The following ABCC4 variants were observed in gnomAD, a reference collection of about 807,000 sequenced individuals.
ABCC4 encodes ATP-binding cassette sub-family C member 4.
In ABCC4, 102 loss-of-function variants were observed where a neutral mutation model predicts 168.5. The observed-to-expected ratio is 0.61, with a 90% confidence interval of 0.52 to 0.71. The LOEUF (loss-of-function observed/expected upper bound fraction) is 0.71, where lower values mean the gene tolerates loss of function less well. Among genes scored for constraint, ABCC4 ranks in the 30% least tolerant of loss-of-function variants. The pLI, the probability that ABCC4 is intolerant of heterozygous loss-of-function variation, is 0.00. For missense variants in ABCC4, 1,402 were observed against 1,605.8 expected (o/e 0.87, Z 2.17); for synonymous variants, 617 against 590.7 (o/e 1.04, Z -0.65).
At chr13:95,052,310 C>G (rs140624841) in intron 27 of ABCC4, among the ~76,000 whole-genome samples, 19 of 152,302 alleles carry the variant, frequency 1.2e-4, no homozygotes, top group African/African-American at 4.6e-4. Context: ...AAGCAAAAGA[C>G]TAAACTAGGT....
chr13:95,087,553 C>G (rs2034298621), intron 20 of ABCC4, among the ~76,000 whole-genome samples: 1 of 152,176 alleles, frequency 6.6e-6, no homozygotes. Flanking sequence ...CTGGCTAATA[C>G]AGGATTTCTT....
chr13:95,261,834 A>C (rs887449647), intron 1 of ABCC4, among the ~76,000 whole-genome samples: 3 of 152,098 alleles, frequency 2.0e-5, no homozygotes, highest in African/African-American at 7.2e-5. Flanking sequence ...ATGGTGGCTC[A>C]TGCCTATAAT....
At chr13:95,141,570 A>G (rs1300015665) in intron 19 of ABCC4, among the ~76,000 whole-genome samples, 1 of 152,170 alleles carries the variant, frequency 6.6e-6, no homozygotes, top group Non-Finnish European at 1.5e-5. Context: ...GGGGGTATCA[A>G]TGAAGTTTTT....
chr13:95,151,650 G>C (rs1055536087), intron 19 of ABCC4, among the ~76,000 whole-genome samples: 2 of 151,660 alleles, frequency 1.3e-5, no homozygotes, highest in East Asian at 1.9e-4. Context: ...GGAGAAGAAG[G>C]AGAAGAAATC....
intron 19 of ABCC4, among the ~76,000 whole-genome samples, chr13:95,149,902 T>C (rs575057394): frequency 6.6e-6 from 1 of 152,264 alleles, no homozygotes; most frequent in South Asian, 2.1e-4. Context: ...CCACCTGAAG[T>C]TCAGAGAGAA....
At chr13:95,133,909 A>C (rs1028475259) in intron 19 of ABCC4, among the ~76,000 whole-genome samples, 3 of 152,200 alleles carry the variant, frequency 2.0e-5, no homozygotes. Flanking sequence ...TATTTTACAC[A>C]ATCAATATTC....
At position 95,234,609 on chromosome 13, in the gene ABCC4, C is replaced by T. The variant is rs768195762; in HGVS notation, c.531+1G>A. The T allele has an allele frequency of 6.2e-7, 1 of 1,612,134 alleles. No homozygotes were observed. The highest frequency in any genetic ancestry group is 8.5e-7 in the Non-Finnish European group (1 of 1,178,294). ...CATGTTTAATGCTGAATGTCACTTA[C>T]CTTCCGATAAATCATATGGCACATG... On this transcript the variant is annotated splice_donor_variant, in intron 4 of 30. Transcript: ENST00000645237. LOFTEE classifies it high-confidence loss of function.
At chr13:95,283,361 G>GT (rs71113906) in intron 1 of ABCC4, among the ~76,000 whole-genome samples, 44 of 87,260 alleles carry the variant, frequency 5.0e-4, no homozygotes, top group African/African-American at 1.6e-3. Flanking sequence ...TTTTTCTGTG[G>GT]TTTTTTTTTT....
Position 95,277,453 on chromosome 13 carries a change from C to A in ABCC4, c.74+23788G>T, listed in dbSNP as rs144363729. Among the ~76,000 whole-genome samples, 5 of 151,872 alleles carry A rather than the reference C, an allele frequency of 3.3e-5. No individual in the cohort carries two copies. The South Asian group carries it at 1.0e-3, about 32-fold the overall frequency. On this transcript the variant is annotated intron_variant, in intron 1 of 30. Transcript: ENST00000645237. The stretch of plus-strand genomic sequence containing the variant: ...AAAATTAGCCGGGCATGGTGGCGGG[C>A]GCCTGTAATCTCAGTTATTTGGGAG...
chr13:95,155,640 C>A (rs905068772), intron 19 of ABCC4, among the ~76,000 whole-genome samples: 3 of 152,230 alleles, frequency 2.0e-5, no homozygotes, highest in African/African-American at 4.8e-5. Flanking sequence ...TACATACACA[C>A]ACATACTCCC....
intron 20 of ABCC4, among the ~76,000 whole-genome samples, chr13:95,093,964 C>G (rs1263700890): frequency 6.6e-6 from 1 of 151,892 alleles, no homozygotes; most frequent in African/African-American, 2.4e-5. Context: ...TAGGAATATA[C>G]CTAACCAAGG....
intron 30 of ABCC4, among the ~76,000 whole-genome samples, chr13:95,025,316 ACACACC>A (rs1465954784): frequency 4.1e-5 from 1 of 24,160 alleles, no homozygotes; most frequent in East Asian, 1.4e-3. Context: ...CACCCCCCAC[ACACACC>A]CACACCCACA....
chr13:95,047,621 A>C (rs1238074998), intron 27 of ABCC4, among the ~76,000 whole-genome samples: 7 of 151,810 alleles, frequency 4.6e-5, no homozygotes, highest in South Asian at 2.1e-4. Flanking sequence ...CTGGGACTAC[A>C]GGTGCATACC....
At chr13:95,059,785 G>A (rs2033217512) in intron 26 of ABCC4, among the ~76,000 whole-genome samples, 1 of 152,112 alleles carries the variant, frequency 6.6e-6, no homozygotes, top group Non-Finnish European at 1.5e-5. Context: ...TGCCCTAAAG[G>A]CCTGCACCCC....
intron 21 of ABCC4, among the ~76,000 whole-genome samples, chr13:95,076,507 G>GT (rs33911549): frequency 0.039 from 5,344 of 138,250 alleles, 123 homozygotes; most frequent in African/African-American, 0.051. Flanking sequence ...TGTGGTGTAG[G>GT]TTTTTTTTTT....
intron 4 of ABCC4, among the ~76,000 whole-genome samples, chr13:95,229,083 TC>T (rs1307473593): frequency 1.3e-5 from 2 of 152,206 alleles, no homozygotes; most frequent in East Asian, 3.9e-4. Flanking sequence ...AATATGCATT[TC>T]CCCCCAAGTT....
chr13:95,218,989 G>GAAAGAAAGAAAGAAAAAA (rs1275043272), intron 4 of ABCC4, among the ~76,000 whole-genome samples: 2 of 63,810 alleles, frequency 3.1e-5, no homozygotes, highest in African/African-American at 1.1e-4. Context: ...AAGAAAGAGT[G>GAAAGAAAGAAAGAAAAAA]AGAAAGAAAG....
chr13:95,160,709 G>A (rs1477246714), intron 19 of ABCC4, among the ~76,000 whole-genome samples: 1 of 152,186 alleles, frequency 6.6e-6, no homozygotes, highest in African/African-American at 2.4e-5. Context: ...CAAAAACCCT[G>A]TGTTTCCAGA....
chr13:95,075,428 A>T lies in ABCC4; in HGVS notation c.2806+4T>A. 13 of 1,614,090 alleles carry T rather than the reference A, an allele frequency of 8.1e-6. No individual in the cohort carries two copies. Among genetic ancestry groups the T allele is most frequent in the Non-Finnish European group, 1.1e-5 (13 of 1,179,978 alleles). The stretch of plus-strand genomic sequence containing the variant: ...TTTGAAACCATTTCCAGAAATAGAC[A>T]GACCTGAATGTAAATCCTGGTGTGC... On this transcript the variant is annotated splice_donor_region_variant and intron_variant, in intron 22 of 30. Transcript: ENST00000645237.
Sources: allele counts gnomAD v4.1 joint callset (sites outside exome capture counted in the v4.1 genomes callset), GRCh38; gene constraint gnomAD v4.1.1; transcripts MANE v1.5; gene names NCBI Gene and HGNC (gene_info 2026-07-23, HGNC 2026-07-21).